The following CD47 variants were observed in gnomAD, a reference collection of about 807,000 sequenced individuals.
The protein encoded by CD47 is leukocyte surface antigen CD47.
In CD47, 11 loss-of-function variants were observed where a neutral mutation model predicts 44.6. That is an observed-to-expected ratio of 0.25 (90% CI 0.16 to 0.41). CD47 has a LOEUF of 0.41. CD47 is among the 10% of genes least tolerant of loss of function. The probability of loss-of-function intolerance (pLI) is 1.00; values close to 1 mark genes in which losing one functional copy is unlikely to be tolerated. For missense variants in CD47, 306 were observed against 386.7 expected, an observed-to-expected ratio of 0.79 and a Z score of 1.75; for synonymous variants, 140 against 136.3, an observed-to-expected ratio of 1.03 and a Z score of -0.19.
intron 2 of CD47, among the ~76,000 whole-genome samples, chr3:108,076,493 T>A (rs1334090252): frequency 6.6e-6 from 1 of 152,232 alleles, no homozygotes; most frequent in Non-Finnish European, 1.5e-5. Context: ...ATGAACCACA[T>A]ATTACGGTGG....
rs984506752 is a variant in CD47, at chr3:108,080,003, T to G, written c.388A>C (p.Lys130Gln). 1 of 1,606,320 alleles carries G rather than the reference T, an allele frequency of 6.2e-7. No individual in the cohort carries two copies. The highest frequency in any genetic ancestry group is 8.5e-7 in the Non-Finnish European group (1 of 1,174,910). ...ATAGAAGTCTTACCAACACGATATT[T>G]TAGCTCGATGATCGTTTCACCTTCT... ...TREGETIIEL[K>Q]YRVVSWFSPN... Residue 130 changes from lysine (K) to glutamine (Q), a missense_variant, in exon 2 of 11, where the codon AAA becomes CAA. By Grantham distance (53) the Lys-to-Gln change is moderately conservative. Around this residue, in one of 5 missense-constraint regions of CD47, gnomAD observed 65 missense variants for 119.9 expected, o/e 0.54. Coordinates refer to ENST00000361309, the MANE Select transcript of CD47 (RefSeq NM_001777.4).
In CD47 at chr3:108,090,174, T is replaced by C. The variant is rs535997355; in HGVS notation, c.46+689A>G. 2.0e-5 allele frequency among the ~76,000 whole-genome samples: 3 copies of C among 152,276 alleles called. No individual in the cohort carries two copies. In the East Asian group the frequency reaches 5.8e-4, roughly 29 times the overall value. ...ACTTCAACGTACAATTTAGAATGTA[T>C]GCAAGTGGCTGATGGGGCGTGAGGG... On this transcript the variant is annotated intron_variant, in intron 1 of 10. Transcript: ENST00000361309.
At position 108,052,176 on chromosome 3, in the gene CD47, C is replaced by G; in HGVS notation, c.878-206G>C. On this transcript the variant is annotated intron_variant, in intron 7 of 10. Transcript: ENST00000361309. ...CTGATTTGAAAAATGAAGCAAATAA[C>G]CCATCTACATCAAATAGTAAACACA... The G allele has an allele frequency of 7.4e-6, 3 of 403,544 alleles. No individual in the cohort carries two copies. The South Asian group carries it at 8.9e-5, about 12-fold the overall frequency. 25.0% of individuals were successfully genotyped at this position (403,544 alleles called of 1,614,324 possible).
chr3:108,055,855 G>A (rs540339892), intron 7 of CD47, among the ~76,000 whole-genome samples: 1 of 152,292 alleles, frequency 6.6e-6, no homozygotes, highest in East Asian at 1.9e-4. Context: ...GGAGGTGGCA[G>A]ATAGACAATG....
intron 3 of CD47, among the ~76,000 whole-genome samples, chr3:108,061,984 C>T (rs2079022837): frequency 6.6e-6 from 1 of 152,282 alleles, no homozygotes; most frequent in South Asian, 2.1e-4. Flanking sequence ...AGGTATATGA[C>T]AGGTACCTAA....
At chr3:108,072,296 C>T (rs928898364) in intron 2 of CD47, among the ~76,000 whole-genome samples, 9 of 152,170 alleles carry the variant, frequency 5.9e-5, no homozygotes, top group Non-Finnish European at 1.2e-4. Flanking sequence ...AATTCTACCA[C>T]GCACTATCTC....
At chr3:108,084,371 C>T (rs906800431) in intron 1 of CD47, among the ~76,000 whole-genome samples, 1 of 151,966 alleles carries the variant, frequency 6.6e-6, no homozygotes, top group Non-Finnish European at 1.5e-5. Context: ...CTCCTGATTA[C>T]GAATTTCCTC....
intron 3 of CD47, among the ~76,000 whole-genome samples, chr3:108,062,412 T>C (rs2079030128): frequency 6.6e-6 from 1 of 152,180 alleles, no homozygotes; most frequent in African/African-American, 2.4e-5. Context: ...TAATCCCATA[T>C]ATATTGTTAT....
At chr3:108,075,320 T>A (rs902963635) in intron 2 of CD47, among the ~76,000 whole-genome samples, 6 of 152,136 alleles carry the variant, frequency 3.9e-5, no homozygotes, top group Non-Finnish European at 5.9e-5. Context: ...TGAAGTGTTA[T>A]TAAAACCCAG....
rs769698388 is a variant in CD47, at chr3:108,045,976, T to C, written c.*1312A>G. ...CCTGTAGGTACCCCACCTTTGTCCA[T>C]ACAGAAGATGCATGTGCCTATCTCA... On this transcript the variant is annotated 3_prime_UTR_variant, in exon 11 of 11. Transcript: ENST00000361309. 2 of 152,312 alleles carry C rather than the reference T, an allele frequency of 1.3e-5. No individual in the cohort carries two copies. The highest frequency in any genetic ancestry group is 2.4e-5 in the African/African-American group (1 of 41,562). 9.4% of individuals were successfully genotyped at this position (152,312 alleles called of 1,614,324 possible). A position where few individuals can be genotyped will look rare whatever the true frequency, so the allele number is the denominator to read the frequency against.
In CD47 at chr3:108,057,555, G is replaced by A; in HGVS notation, c.799C>T (p.His267Tyr). 6.5e-7 allele frequency: 1 copy of A among 1,527,482 alleles called. No homozygotes were observed. Among genetic ancestry groups the A allele is most frequent in the Non-Finnish European group, 9.1e-7 (1 of 1,101,466 alleles). 94.6% of individuals were successfully genotyped at this position (1,527,482 alleles called of 1,614,324 possible). ...SLCIAACIPM[H>Y]GPLLISGLSI... ...AAACCTGAAATCAGAAGAGGGCCAT[G>A]CATTGGTATACACGCTGTAAAAACA... Residue 267 changes from histidine to tyrosine, a missense_variant, in exon 7 of 11, where the codon CAT (histidine) becomes TAT (tyrosine). His to Tyr is a moderately conservative substitution (Grantham distance 83). Around this residue, in one of 5 missense-constraint regions of CD47, gnomAD observed 131 missense variants for 135.3 expected, o/e 0.97. Transcript: ENST00000361309.
At chr3:108,063,515 G>T (rs2079055544) in intron 3 of CD47, among the ~76,000 whole-genome samples, 1 of 152,142 alleles carries the variant, frequency 6.6e-6, no homozygotes. Context: ...TAGTGAAAGG[G>T]CAAGGAATTT....
At chr3:108,076,092 C>T (rs1167148205) in intron 2 of CD47, among the ~76,000 whole-genome samples, 1 of 152,210 alleles carries the variant, frequency 6.6e-6, no homozygotes, top group Non-Finnish European at 1.5e-5. Flanking sequence ...CTGGGCAACA[C>T]CTTGATTTTA....
chr3:108,064,976 C>A (rs1442668650), intron 3 of CD47, among the ~76,000 whole-genome samples: 1 of 152,124 alleles, frequency 6.6e-6, no homozygotes, highest in Non-Finnish European at 1.5e-5. Context: ...TTTCAAGTAT[C>A]TAATACACTT....
At chr3:108,072,198 T>C (rs576134992) in intron 2 of CD47, among the ~76,000 whole-genome samples, 4 of 152,250 alleles carry the variant, frequency 2.6e-5, no homozygotes, top group Non-Finnish European at 5.9e-5. Flanking sequence ...GGAGTTTGCC[T>C]GTACAAGGGG....
chr3:108,049,561 G>T, intron 10 of CD47, 58 bp downstream of exon 10: 1 of 1,093,582 alleles, frequency 9.1e-7, no homozygotes, highest in Admixed American at 1.8e-5. Flanking sequence ...AAGCTTTTTT[G>T]TTTTCCAATG....
At chr3:108,049,554 C>T in intron 10 of CD47, 65 bp downstream of exon 10, 1 of 1,016,030 alleles carries the variant, frequency 9.8e-7, no homozygotes, top group Non-Finnish European at 1.6e-6. Flanking sequence ...TTTCAAGAAG[C>T]TTTTTTGTTT....
chr3:108,050,527 C>T (rs1274220302), intron 9 of CD47, 51 bp downstream of exon 9: 3 of 847,774 alleles, frequency 3.5e-6, no homozygotes, highest in Admixed American at 2.3e-5. Context: ...GTTTTGCGGG[C>T]CAGATCAAAT....
intron 2 of CD47, among the ~76,000 whole-genome samples, chr3:108,073,224 C>T (rs1176912995): frequency 6.6e-6 from 1 of 151,818 alleles, no homozygotes; most frequent in Non-Finnish European, 1.5e-5. Flanking sequence ...TCATTGGTCC[C>T]TGCCCCTATA....
Sources: gnomAD v4.1 joint callset for allele counts (sites outside exome capture counted in the v4.1 genomes callset) on GRCh38, gnomAD v4.1.1 for gene constraint, gnomAD v4.1.1 regional missense constraint, MANE v1.5 for transcripts, NCBI Gene and HGNC (gene_info 2026-07-23, HGNC 2026-07-21) for gene names.